NOX3: variants seen among roughly 807,000 people sequenced by gnomAD.
The protein encoded by NOX3 is NADPH oxidase 3.
A neutral mutation model predicts 76.7 loss-of-function variants in NOX3; 74 were observed. That is an observed-to-expected ratio of 0.96 (90% confidence interval 0.80 to 1.17). The LOEUF (loss-of-function observed/expected upper bound fraction) is 1.17, where lower values mean the gene tolerates loss of function less well. Among genes scored for constraint, NOX3 ranks in the 50% most tolerant of loss-of-function variants. NOX3 has a pLI of 0.00. For missense variants in NOX3, 695 were observed against 703.3 expected (o/e 0.99, Z 0.13); for synonymous variants, 263 against 261.1 (o/e 1.01, Z -0.07).
intron 6 of NOX3, 36 bp from the exon 7 acceptor site, chr6:155,436,583 CA>C: frequency 6.2e-7 from 1 of 1,606,610 alleles, no homozygotes; most frequent in Non-Finnish European, 8.5e-7. Flanking sequence ...AAACAAAAAG[CA>C]AAAAACGTCA....
chr6:155,436,571 C>G (rs755479061), intron 6 of NOX3, 24 bp from the exon 7 acceptor site: 3 of 1,611,624 alleles, frequency 1.9e-6, no homozygotes, highest in Non-Finnish European at 2.5e-6. Context: ...AAAAGCAAAA[C>G]AAAACAAAAA....
chr6:155,419,042 A>G (rs1263878516), intron 10 of NOX3, among the ~76,000 whole-genome samples: 7 of 152,236 alleles, frequency 4.6e-5, no homozygotes, highest in Admixed American at 2.6e-4. Context: ...TTGTGAAGAC[A>G]CCGTTAGATA....
intron 6 of NOX3, 122 bp from the exon 7 acceptor site, chr6:155,436,669 T>C: frequency 1.0e-6 from 1 of 971,492 alleles, no homozygotes. Flanking sequence ...CTTCCAGTTC[T>C]TGAAACTCGG....
intron 8 of NOX3, 132 bp from the exon 9 acceptor site, chr6:155,429,179 A>C: frequency 1.2e-6 from 1 of 834,072 alleles, no homozygotes; most frequent in Non-Finnish European, 1.8e-6. Context: ...ATCTGCTGTT[A>C]GCTCCCAAAG....
At chr6:155,438,605 C>T (rs1308646867) in intron 6 of NOX3, among the ~76,000 whole-genome samples, 1 of 152,170 alleles carries the variant, frequency 6.6e-6, no homozygotes, top group Non-Finnish European at 1.5e-5. Context: ...AAGACAGGAG[C>T]ATTAAGGGTG....
chr6:155,455,150 A>G (rs1157443317), intron 1 of NOX3, 21 bp from the exon 2 acceptor site: 1 of 1,502,804 alleles, frequency 6.7e-7, no homozygotes. Flanking sequence ...AAGGAAAGAG[A>G]ACCAATGATT....
intron 3 of NOX3, 68 bp downstream of exon 3, chr6:155,454,743 T>C (rs78334709): frequency 0.033 from 30,197 of 916,132 alleles, 791 homozygotes; most frequent in African/African-American, 0.1. Flanking sequence ...AAAGTACATT[T>C]TTTTTCAATG....
At chr6:155,409,473 G>A (rs931526309) in intron 11 of NOX3, among the ~76,000 whole-genome samples, 2 of 152,106 alleles carry the variant, frequency 1.3e-5, no homozygotes, top group African/African-American at 4.8e-5. Context: ...TTGTGGTACC[G>A]CCAATCACTG....
chr6:155,455,763 G>A lies in NOX3; in HGVS notation c.38C>T (p.Thr13Ile). ...AAAAATGATACTTACTACTAATATG[G>A]TGGAGAGACCCTCATTCAAAATCCA... ...GCWILNEGLS[T>I]ILVLSWLGIN... The change falls in exon 1 of 14, where the codon ACC becomes ATC. Residue 13 changes from threonine (T) to isoleucine (I), a missense_variant. Physicochemically the swap from Thr to Ile is moderately conservative, Grantham distance 89. Coordinates refer to ENST00000159060, the MANE Select transcript of NOX3 (RefSeq NM_015718.3). 6.2e-7 allele frequency: 1 copy of A among 1,613,092 alleles called. No homozygotes were observed. The highest frequency in any genetic ancestry group is 8.5e-7 in the Non-Finnish European group (1 of 1,179,116).
intron 4 of NOX3, among the ~76,000 whole-genome samples, chr6:155,449,356 T>C (rs1777106146): frequency 6.6e-6 from 1 of 152,100 alleles, no homozygotes; most frequent in East Asian, 1.9e-4. Context: ...AAGCTGGAGC[T>C]CAAAGTACTA....
At chr6:155,430,035 G>A (rs989475152) in intron 8 of NOX3, among the ~76,000 whole-genome samples, 1 of 152,172 alleles carries the variant, frequency 6.6e-6, no homozygotes, top group Non-Finnish European at 1.5e-5. Flanking sequence ...AGCAGAAATA[G>A]GAAGCAATTT....
intron 9 of NOX3, 139 bp from the exon 10 acceptor site, chr6:155,422,995 T>A: frequency 1.3e-6 from 1 of 792,524 alleles, no homozygotes; most frequent in Non-Finnish European, 2.0e-6. Context: ...GAAAATGCCC[T>A]ATTTGGAGAG....
intron 10 of NOX3, among the ~76,000 whole-genome samples, chr6:155,419,171 A>C (rs888600094): frequency 6.6e-6 from 1 of 152,248 alleles, no homozygotes; most frequent in Non-Finnish European, 1.5e-5. Context: ...TATTAGTTAC[A>C]TAAGCCTAAT....
At chr6:155,435,161 G>C (rs1776885008) in intron 7 of NOX3, among the ~76,000 whole-genome samples, 1 of 152,178 alleles carries the variant, frequency 6.6e-6, no homozygotes, top group Non-Finnish European at 1.5e-5. Flanking sequence ...GAGTTTGGGT[G>C]TGCAAGGAAG....
intron 12 of NOX3, among the ~76,000 whole-genome samples, chr6:155,399,727 TC>T (rs1779197330): frequency 7.3e-6 from 1 of 136,492 alleles, no homozygotes; most frequent in African/African-American, 3.1e-5. Context: ...TGTGGCAGCT[TC>T]CCTTTTTTTT....
chr6:155,415,712 T>C (rs1488509082), intron 10 of NOX3, among the ~76,000 whole-genome samples: 2 of 152,220 alleles, frequency 1.3e-5, no homozygotes, highest in South Asian at 2.1e-4. Flanking sequence ...GATTACTGCG[T>C]ATGTAAAATG....
intron 1 of NOX3, among the ~76,000 whole-genome samples, chr6:155,455,390 G>A (rs902665882): frequency 2.0e-5 from 3 of 152,110 alleles, no homozygotes; most frequent in East Asian, 3.9e-4. Context: ...CTTAATCAAC[G>A]TTGCTTGACA....
At chr6:155,412,176 C>T (rs1372998237) in intron 10 of NOX3, among the ~76,000 whole-genome samples, 2 of 152,092 alleles carry the variant, frequency 1.3e-5, no homozygotes, top group East Asian at 1.9e-4. Context: ...GCCTTCTCCC[C>T]AAAGAGACAT....
chr6:155,418,810 T>C (rs957307935), intron 10 of NOX3, among the ~76,000 whole-genome samples: 2 of 152,264 alleles, frequency 1.3e-5, no homozygotes, highest in African/African-American at 4.8e-5. Context: ...TGAGAAAACT[T>C]TGGTGCACAT....
Sources: gnomAD v4.1 joint callset for allele counts (sites outside exome capture counted in the v4.1 genomes callset) on GRCh38, gnomAD v4.1.1 for gene constraint, MANE v1.5 for transcripts, NCBI Gene and HGNC (gene_info 2026-07-23, HGNC 2026-07-21) for gene names.